The following PAN3 variants were observed in gnomAD, a reference collection of about 807,000 sequenced individuals.
PAN3 encodes poly(A) specific ribonuclease subunit PAN3, also known as PAN2-PAN3 deadenylation complex subunit PAN3.
PAN3 carries 19 observed loss-of-function variants against 96.2 expected under a neutral mutation model. The observed-to-expected ratio is 0.20, with a 90% CI of 0.14 to 0.29. The LOEUF (loss-of-function observed/expected upper bound fraction) is 0.29. Ranked by LOEUF, PAN3 falls within the 10% of genes least tolerant of loss-of-function variation. PAN3 has a pLI of 1.00. For synonymous variants in PAN3, 433 were observed against 406.6 expected, an observed-to-expected ratio of 1.06 and a Z score of -0.78; for missense variants, 882 against 1,108.1, an observed-to-expected ratio of 0.80 and a Z score of 2.90.
chr13:28,270,706 C>A lies in PAN3; in HGVS notation c.1798C>A (p.His600Asn). Residue 600 changes from histidine to asparagine, a missense_variant, in exon 13 of 19, where the codon CAC becomes AAC. Transcript: ENST00000380958. ...AYFTKRKWGQ[H>N]EGPLPRQHAG... ...TGGATTTCTTTGCTGTATAGGTCAGCACGAGGGACCATTGCCCAGGCAGCA... is the reference window on the plus strand; with the variant it reads ...TGGATTTCTTTGCTGTATAGGTCAGAACGAGGGACCATTGCCCAGGCAGCA... The A allele has an allele frequency of 6.2e-7, 1 of 1,613,738 alleles. No homozygotes were observed. The highest frequency in any genetic ancestry group is 8.5e-7 in the Non-Finnish European group (1 of 1,179,776).
chr13:28,270,698 T>C lies in PAN3; in HGVS notation c.1793-3T>C, dbSNP rs749475012. ...TCATTTTTTGGATTTCTTTGCTGTATAGGTCAGCACGAGGGACCATTGCCC... is the reference window on the plus strand; with the variant it reads ...TCATTTTTTGGATTTCTTTGCTGTACAGGTCAGCACGAGGGACCATTGCCC... On this transcript the variant is annotated splice_region_variant and splice_polypyrimidine_tract_variant and intron_variant, in intron 12 of 18. Transcript: ENST00000380958. 22 of 1,612,998 alleles carry C rather than the reference T, an allele frequency of 1.4e-5. No homozygotes were observed. The Admixed American group carries it at 1.7e-4, about 12-fold the overall frequency.
At chr13:28,144,211 GT>G (rs972669575) in intron 1 of PAN3, among the ~76,000 whole-genome samples, 16,258 of 101,694 alleles carry the variant, frequency 0.16, 1,379 homozygotes, top group African/African-American at 0.33. Flanking sequence ...AAGTTTTTTT[GT>G]TTTTTTTTTT....
chr13:28,179,657 T>C (rs1172718712), intron 4 of PAN3, among the ~76,000 whole-genome samples: 1 of 149,874 alleles, frequency 6.7e-6, no homozygotes, highest in African/African-American at 2.5e-5. Flanking sequence ...TGAGCCAAGA[T>C]CATGCCACTG....
At chr13:28,257,719 TAA>T (rs1293224834) in intron 7 of PAN3, among the ~76,000 whole-genome samples, 3 of 112,898 alleles carry the variant, frequency 2.7e-5, no homozygotes, top group East Asian at 2.0e-4. Flanking sequence ...TATATATAAT[TAA>T]TATATATTAT....
intron 6 of PAN3, among the ~76,000 whole-genome samples, chr13:28,245,375 A>G (rs1274116489): frequency 1.3e-5 from 2 of 150,734 alleles, no homozygotes; most frequent in Non-Finnish European, 2.9e-5. Flanking sequence ...TGCTGCTAGT[A>G]AATGTAAGTG....
chr13:28,140,694 G>A (rs1431158008), intron 1 of PAN3, among the ~76,000 whole-genome samples: 4 of 140,714 alleles, frequency 2.8e-5, no homozygotes, highest in Admixed American at 1.4e-4. Context: ...GTGTTGTTCT[G>A]TTCTGTTCTT....
intron 6 of PAN3, among the ~76,000 whole-genome samples, chr13:28,236,562 A>G (rs1366236963): frequency 6.6e-6 from 1 of 152,248 alleles, no homozygotes; most frequent in African/African-American, 2.4e-5. Context: ...TTTTTAAAGG[A>G]AGGATAAGAT....
At chr13:28,171,074 G>A (rs970636548) in intron 1 of PAN3, among the ~76,000 whole-genome samples, 1 of 152,198 alleles carries the variant, frequency 6.6e-6, no homozygotes. Flanking sequence ...GGGATTACAG[G>A]TGTGAGCCAC....
chr13:28,162,201 T>TA (rs1013813207), intron 1 of PAN3, among the ~76,000 whole-genome samples: 10 of 152,322 alleles, frequency 6.6e-5, no homozygotes, highest in African/African-American at 2.4e-4. Context: ...TGAAGGTTAG[T>TA]AGTTGGCAAC....
intron 4 of PAN3, among the ~76,000 whole-genome samples, chr13:28,191,176 A>G (rs1258573305): frequency 6.6e-6 from 1 of 152,202 alleles, no homozygotes; most frequent in Admixed American, 6.5e-5. Context: ...ACTTTAGTAA[A>G]TAAATATTTC....
chr13:28,220,798 C>G (rs1004044627), intron 6 of PAN3, among the ~76,000 whole-genome samples: 3 of 152,060 alleles, frequency 2.0e-5, no homozygotes, highest in Admixed American at 6.6e-5. Flanking sequence ...CATTCTACAT[C>G]TTTAGATGGT....
chr13:28,139,085 C>G lies in PAN3; in HGVS notation c.428C>G (p.Ala143Gly). The G allele has an allele frequency of 2.4e-6, 3 of 1,264,648 alleles. No homozygotes were observed. The highest frequency in any genetic ancestry group is 3.0e-6 in the Non-Finnish European group (3 of 1,006,426). The allele number at this position is 1,264,648 out of a possible 1,614,324, so 78.3% of individuals were successfully genotyped here. Residue 143 changes from alanine (A) to glycine (G), a missense_variant and splice_region_variant, in exon 1 of 19, where the codon GCA becomes GGA. Around this residue, in one of 3 missense-constraint regions of PAN3, gnomAD observed 442 missense variants for 422.8 expected, o/e 1.05. Transcript: ENST00000380958. ...SSGGLDGPRL[A>G]IPGMDGGALT... ...GGGGGACTCGATGGACCGCGGCTGG[C>G]AAGTGAGTGTTTTTCGGGCGGGGCG...
chr13:28,285,174 T>G (rs1868824717), intron 17 of PAN3, among the ~76,000 whole-genome samples: 1 of 152,236 alleles, frequency 6.6e-6, no homozygotes, highest in South Asian at 2.1e-4. Flanking sequence ...TTAAATTTTA[T>G]GCTCTGGTAC....
At chr13:28,241,344 C>T (rs1883645563) in intron 6 of PAN3, among the ~76,000 whole-genome samples, 1 of 152,160 alleles carries the variant, frequency 6.6e-6, no homozygotes, top group Non-Finnish European at 1.5e-5. Context: ...TCATCTGGAG[C>T]TTGGGAATTT....
At position 28,292,614 on chromosome 13, in the gene PAN3, T is replaced by A. The variant is rs1040058685; in HGVS notation, c.*92T>A. 1 of 1,314,990 alleles carries A rather than the reference T, an allele frequency of 7.6e-7. No homozygotes were observed. Among genetic ancestry groups the A allele is most frequent in the East Asian group, 2.5e-5 (1 of 39,952 alleles). The allele number at this position is 1,314,990 out of a possible 1,614,324, so 81.5% of individuals were successfully genotyped here. A position where few individuals can be genotyped will look rare whatever the true frequency, so the allele number is the denominator to read the frequency against. The stretch of plus-strand genomic sequence containing the variant: ...GAACTTTTCATCATCTCATTCACAT[T>A]TGGGAAACGAACAGGAGATGAGCAA... On this transcript the variant is annotated 3_prime_UTR_variant, in exon 19 of 19. Transcript: ENST00000380958.
intron 17 of PAN3, among the ~76,000 whole-genome samples, chr13:28,285,901 TTG>T (rs1868913991): frequency 6.6e-6 from 1 of 152,210 alleles, no homozygotes; most frequent in Admixed American, 6.5e-5. Flanking sequence ...TGGTTTTTGT[TTG>T]TCTTAGTTTT....
At chr13:28,287,861 A>G (rs1306541475) in intron 17 of PAN3, 123 bp from the exon 18 acceptor site, 1 of 878,760 alleles carries the variant, frequency 1.1e-6, no homozygotes, top group East Asian at 2.8e-5. Flanking sequence ...ACACTGTACC[A>G]GACTCCCTCC....
rs183800779 is a variant in PAN3, at chr13:28,203,783, G to A, written c.852+6437G>A. The stretch of plus-strand genomic sequence containing the variant: ...TGACAGTGTTGTTTAGTGAGAAAGC[G>A]TCTCTGCTTTTCTTTTTTCTTTTCT... On this transcript the variant is annotated intron_variant, in intron 5 of 18. Coordinates refer to ENST00000380958, the MANE Select transcript of PAN3 (RefSeq NM_175854.8). 1.8e-3 allele frequency among the ~76,000 whole-genome samples: 276 copies of A among 151,068 alleles called. 3 individuals are homozygous for A. The highest frequency in any genetic ancestry group is 0.017 in the South Asian group (83 of 4,768).
intron 5 of PAN3, among the ~76,000 whole-genome samples, chr13:28,203,092 A>C (rs991017014): frequency 6.6e-6 from 1 of 151,394 alleles, no homozygotes; most frequent in African/African-American, 2.4e-5. Flanking sequence ...CCTCCCAAGT[A>C]GCTGGGACCA....
Sources: allele counts gnomAD v4.1 joint callset (sites outside exome capture counted in the v4.1 genomes callset), GRCh38; gene constraint gnomAD v4.1.1; regional missense constraint gnomAD v4.1.1; transcripts MANE v1.5; gene names NCBI Gene and HGNC (gene_info 2026-07-23, HGNC 2026-07-21).